F8: variants seen among roughly 807,000 people sequenced by gnomAD.
The protein encoded by F8 is antihemophilic factor.
Under a neutral mutation model 140.6 loss-of-function variants are expected in F8, and 12 were observed. The ratio of observed to expected loss-of-function variants is 0.09; its 90% CI spans 0.05 to 0.14. The LOEUF (loss-of-function observed/expected upper bound fraction) is 0.14, where lower values mean the gene tolerates loss of function less well. F8 is among the 10% of genes least tolerant of loss of function. The pLI, the probability that F8 is intolerant of heterozygous loss-of-function variation, is 1.00. For synonymous variants in F8, 585 were observed against 614.6 expected, an observed-to-expected ratio of 0.95 and a Z score of 0.71; for missense variants, 1,354 against 1,720.7, an observed-to-expected ratio of 0.79 and a Z score of 3.77.
At chrX:154,895,311 G>T (rs1372975133) in intron 22 of F8, among the ~76,000 whole-genome samples, 2 of 112,174 alleles carry the variant, frequency 1.8e-5, no homozygotes, top group African/African-American at 3.2e-5. Flanking sequence ...AAGTTATCTT[G>T]CTTGGGGTCA....
rs782100947 is a variant in F8, at chrX:154,848,650, G to A, written c.6901-10898C>T. ...GACCATTGGAAAAGCGCAGTATTAG[G>A]ATGGGAGTGACCCAATTTTCCAGGT... On this transcript the variant is annotated intron_variant, in intron 25 of 25. Transcript: ENST00000360256. 2.7e-5 allele frequency among the ~76,000 whole-genome samples: 3 copies of A among 111,998 alleles called. No homozygotes were observed. The East Asian group carries it at 8.5e-4, about 32-fold the overall frequency.
chrX:154,966,405 C>T (rs782686777), intron 8 of F8, 21 bp downstream of exon 8: 14 of 1,209,216 alleles, frequency 1.2e-5, no homozygotes, highest in Non-Finnish European at 1.6e-5. Context: ...GAGAGAGTAC[C>T]AATAGTCAAA....
rs781890169 is a variant in F8 at position 154,860,514 on chromosome X, C to T, written c.6818G>A (p.Ser2273Asn). 9 of 1,209,207 alleles carry T rather than the reference C, an allele frequency of 7.4e-6. No individual in the cohort carries two copies. Among genetic ancestry groups the T allele is most frequent in the Non-Finnish European group, 1.0e-5 (9 of 894,725 alleles). ...TTQGVKSLLT[S>N]MYVKEFLISS... The stretch of plus-strand genomic sequence containing the variant: ...GATGAGGAACTCCTTCACATACATG[C>T]TGGTAAGCAGAGATTTTACTCCCTG... Residue 2273 changes from serine to asparagine, a missense_variant, in exon 25 of 26, where the codon AGC becomes AAC. Around this residue, in one of 4 missense-constraint regions of F8, gnomAD observed 316 missense variants for 485.4 expected, o/e 0.65. Transcript: ENST00000360256.
intron 12 of F8, among the ~76,000 whole-genome samples, chrX:154,949,222 G>A (rs2073324150): frequency 8.9e-6 from 1 of 112,238 alleles, no homozygotes; most frequent in African/African-American, 3.2e-5. Context: ...TGAACTAACT[G>A]AAAGCCTAAT....
At chrX:154,877,813 A>G (rs782222249) in intron 22 of F8, among the ~76,000 whole-genome samples, 3 of 112,214 alleles carry the variant, frequency 2.7e-5, no homozygotes, top group Non-Finnish European at 3.8e-5. Flanking sequence ...CCAGCATTAG[A>G]AAACTAATAC....
Position 154,929,215 on chromosome X carries a change from G to C in F8, c.4575C>G (p.Phe1525Leu). Reference sequence around the variant, plus strand: ...GAGACCCATTGCTAGTTTCCGTAGGGAATAGGTCCTTCTGATAAATGTGAA... The same window carrying C: ...GAGACCCATTGCTAGTTTCCGTAGGCAATAGGTCCTTCTGATAAATGTGAA... ...PKVHIYQKDLFPTETSNGSPG... is the reference protein window; with the variant it reads ...PKVHIYQKDLLPTETSNGSPG... Residue 1525 changes from phenylalanine to leucine, a missense_variant, in exon 14 of 26, where the codon TTC (phenylalanine) becomes TTG (leucine). By Grantham distance (22) the Phe-to-Leu change is conservative. This residue lies in a region of F8 where 658 missense variants were observed against 666.5 expected (regional missense o/e 0.99). Transcript: ENST00000360256. 2.5e-6 allele frequency: 3 copies of C among 1,211,744 alleles called. No homozygotes were observed. Among genetic ancestry groups the C allele is most frequent in the Non-Finnish European group, 3.4e-6 (3 of 895,477 alleles).
chrX:154,853,947 C>A (rs1387655575), intron 25 of F8, among the ~76,000 whole-genome samples: 2 of 111,591 alleles, frequency 1.8e-5, no homozygotes, highest in Non-Finnish European at 3.8e-5. Flanking sequence ...CCATTTTAAT[C>A]ATTTTTAAGT....
chrX:154,951,730 C>T (rs368356190), intron 12 of F8, among the ~76,000 whole-genome samples: 29 of 110,099 alleles, frequency 2.6e-4, no homozygotes, highest in African/African-American at 9.2e-4. Context: ...CATCTTTCTC[C>T]CTGGACTCTT....
intron 1 of F8, among the ~76,000 whole-genome samples, chrX:155,002,980 C>T (rs1384219865): frequency 4.5e-5 from 5 of 111,658 alleles, no homozygotes; most frequent in Non-Finnish European, 9.4e-5. Context: ...CATCTCACCA[C>T]ATCACTATGG....
At chrX:154,954,181 G>A in intron 11 of F8, 139 bp from the exon 12 acceptor site, 1 of 657,375 alleles carries the variant, frequency 1.5e-6, no homozygotes, top group Non-Finnish European at 2.4e-6. Flanking sequence ...TCTTAGGCAT[G>A]TACCAGGGCT....
Position 154,906,525 on chromosome X carries a change from T to C in F8, c.5268A>G (p.Glu1756=). The C allele has an allele frequency of 8.3e-7, 1 of 1,210,910 alleles. No homozygotes were observed. Among genetic ancestry groups the C allele is most frequent in the East Asian group, 3.0e-5 (1 of 33,847 alleles). ...GCTGAGTAAAGGAGCCATCAGTAAA[T>C]TCCTGGAAAACAACTTTCTTGAACT... The part of the protein sequence containing the change: ...VPQFKKVVFQ[E]FTDGSFTQPL... The change falls in exon 15 of 26, where the codon GAA becomes GAG. Residue 1756 remains glutamate, a synonymous_variant. Transcript: ENST00000360256.
chrX:154,946,222 A>G (rs1456319850), intron 13 of F8, among the ~76,000 whole-genome samples: 1 of 112,411 alleles, frequency 8.9e-6, no homozygotes, highest in East Asian at 2.8e-4. Flanking sequence ...AATAGAAAAA[A>G]GAATCTTAAA....
chrX:154,897,557 G>C (rs782176253), intron 21 of F8: 1 of 112,200 alleles, frequency 8.9e-6, no homozygotes, highest in Non-Finnish European at 1.9e-5. Flanking sequence ...ACAGGACAGA[G>C]TGTCAAGGTC....
intron 14 of F8, among the ~76,000 whole-genome samples, chrX:154,921,674 A>G (rs2073131514): frequency 1.8e-5 from 2 of 112,004 alleles, no homozygotes; most frequent in South Asian, 3.8e-4. Flanking sequence ...TGTGGCACAT[A>G]TACACCATGG....
At chrX:154,948,112 A>G (rs1557280465) in intron 12 of F8, among the ~76,000 whole-genome samples, 1 of 111,628 alleles carries the variant, frequency 9.0e-6, no homozygotes, top group Non-Finnish European at 1.9e-5. Flanking sequence ...ATAAACCATC[A>G]TGATAAAGAT....
intron 1 of F8, among the ~76,000 whole-genome samples, chrX:155,013,753 G>A (rs1363874612): frequency 9.0e-6 from 1 of 111,616 alleles, no homozygotes; most frequent in Non-Finnish European, 1.9e-5. Context: ...TCACAGTTCC[G>A]GAGGCTGGAA....
intron 19 of F8, 69 bp from the exon 20 acceptor site, chrX:154,901,511 T>C (rs2073009574): frequency 2.8e-6 from 2 of 716,063 alleles, no homozygotes; most frequent in Admixed American, 4.4e-5. Flanking sequence ...TGTAAGTCAA[T>C]GAAAATGGGA....
Position 154,972,816 on chromosome X carries a change from A to G in F8, c.788-3264T>C, listed in dbSNP as rs182006959. Reference sequence around the variant, plus strand: ...CTGCAGCCTCCACCTCTGGGGTTCAAGTGATTCTCCTGCCTCAGCCTCCCA... The same window carrying G: ...CTGCAGCCTCCACCTCTGGGGTTCAGGTGATTCTCCTGCCTCAGCCTCCCA... On this transcript the variant is annotated intron_variant, in intron 6 of 25. Coordinates refer to ENST00000360256, the MANE Select transcript of F8 (RefSeq NM_000132.4). Among the ~76,000 whole-genome samples the G allele has an allele frequency of 8.8e-4, 91 of 103,750 alleles. 1 individual carries two copies. Among genetic ancestry groups the G allele is most frequent in the Non-Finnish European group, 1.3e-3 (67 of 51,320 alleles). The allele number at this position is 103,750 out of a possible 115,157, so 90.1% of individuals were successfully genotyped here.
At chrX:154,867,747 CTACAGGCCAATAT>C (rs1284053281) in intron 22 of F8, among the ~76,000 whole-genome samples, 1 of 100,060 alleles carries the variant, frequency 1.0e-5, no homozygotes, top group East Asian at 3.3e-4. Flanking sequence ...AGAAAGAAAA[CTACAGGCCAATAT>C]CCCTGATGAA....
Sources: allele counts gnomAD v4.1 joint callset (sites outside exome capture counted in the v4.1 genomes callset), GRCh38; gene constraint gnomAD v4.1.1; regional missense constraint gnomAD v4.1.1; transcripts MANE v1.5; gene names NCBI Gene and HGNC (gene_info 2026-07-23, HGNC 2026-07-21).